TYW1B: variants seen among roughly 807,000 people sequenced by gnomAD.
The protein encoded by TYW1B is S-adenosyl-L-methionine-dependent tRNA 4-demethylwyosine synthase TYW1B.
TYW1B carries 73 observed loss-of-function variants against 86.9 expected under a neutral mutation model. That is an observed-to-expected ratio of 0.84 (90% CI 0.70 to 1.02). The LOEUF (loss-of-function observed/expected upper bound fraction) is 1.02, where lower values mean the gene tolerates loss of function less well. Among genes scored for constraint, TYW1B ranks in the 50% least tolerant of loss-of-function variants. The probability of loss-of-function intolerance (pLI) is 0.00; values close to 1 mark genes in which losing one functional copy is unlikely to be tolerated. For missense variants in TYW1B, 637 were observed against 827.4 expected (o/e 0.77, Z 2.82); for synonymous variants, 248 against 292.8 (o/e 0.85, Z 1.56).
chr7:72,669,290 G>A lies in TYW1B; in HGVS notation c.1506+25397C>T, dbSNP rs545650357. 1.1e-4 allele frequency among the ~76,000 whole-genome samples: 16 copies of A among 151,632 alleles called. No homozygotes were observed. In the South Asian group the frequency reaches 2.9e-3, roughly 28 times the overall value. ...CTCCCAAGTAGCTCAGATCACAGGCGCCTGCCACCACGCCCGGCTAATTTT... is the reference window on the plus strand; with the variant it reads ...CTCCCAAGTAGCTCAGATCACAGGCACCTGCCACCACGCCCGGCTAATTTT... On this transcript the variant is annotated intron_variant, in intron 11 of 13. Transcript: ENST00000620995.
chr7:72,758,061 T>C (rs1432068213), intron 7 of TYW1B, among the ~76,000 whole-genome samples: 1 of 151,948 alleles, frequency 6.6e-6, no homozygotes, highest in African/African-American at 2.4e-5. Flanking sequence ...CTACTAAAAA[T>C]ACAAAAAAAT....
chr7:72,637,406 C>T (rs577977737), intron 11 of TYW1B, among the ~76,000 whole-genome samples: 3 of 150,650 alleles, frequency 2.0e-5, no homozygotes, highest in South Asian at 4.2e-4. Flanking sequence ...CATCTAAATT[C>T]CCAAATTAAT....
chr7:72,633,436 GCT>G (rs1341997541), intron 11 of TYW1B, among the ~76,000 whole-genome samples: 6 of 152,174 alleles, frequency 3.9e-5, no homozygotes, highest in African/African-American at 1.4e-4. Flanking sequence ...ACCAGAATAG[GCT>G]CTCTCTCACT....
Position 72,782,199 on chromosome 7 carries a change from G to T in TYW1B, c.847-4666C>A, listed in dbSNP as rs183863796. The stretch of plus-strand genomic sequence containing the variant: ...AGCCACTTGGGAGGCTGAGGTGGCA[G>T]AATCACTTGAGCCCAGGAGTTCAAG... On this transcript the variant is annotated intron_variant, in intron 6 of 13. Coordinates refer to ENST00000620995, the MANE Select transcript of TYW1B (RefSeq NM_001145440.3). Among the ~76,000 whole-genome samples the T allele has an allele frequency of 2.8e-3, 432 of 152,188 alleles. 3 individuals carry two copies. Among genetic ancestry groups the T allele is most frequent in the Middle Eastern group, 6.8e-3 (2 of 294 alleles).
At chr7:72,808,975 T>C (rs1554477378) in intron 4 of TYW1B, among the ~76,000 whole-genome samples, 1 of 151,692 alleles carries the variant, frequency 6.6e-6, no homozygotes, top group Non-Finnish European at 1.5e-5. Flanking sequence ...TTTTTTCAAG[T>C]GTAGAGAACA....
intron 13 of TYW1B, among the ~76,000 whole-genome samples, chr7:72,580,358 C>G (rs782427607): frequency 2.0e-5 from 3 of 152,140 alleles, no homozygotes; most frequent in Admixed American, 6.6e-5. Context: ...AACCCCAAAT[C>G]GTAAAATCTG....
Position 72,579,275 on chromosome 7 carries a change from C to T in TYW1B, c.1786-3556G>A, listed in dbSNP as rs782375514. 9.2e-5 allele frequency among the ~76,000 whole-genome samples: 14 copies of T among 152,162 alleles called. 1 individual carries two copies. The highest frequency in any genetic ancestry group is 2.0e-4 in the Admixed American group (3 of 15,268). On this transcript the variant is annotated intron_variant, in intron 13 of 13. Transcript: ENST00000620995. ...GATCTGGTTTCTTTTGACTCTAAAACTCTGCTCTGCTTTAAAATGGAAGAA... is the reference window on the plus strand; with the variant it reads ...GATCTGGTTTCTTTTGACTCTAAAATTCTGCTCTGCTTTAAAATGGAAGAA...
intron 13 of TYW1B, among the ~76,000 whole-genome samples, chr7:72,590,490 T>C (rs1339989575): frequency 6.6e-6 from 1 of 152,224 alleles, no homozygotes; most frequent in East Asian, 1.9e-4. Context: ...TTCACTTTTC[T>C]CTTTCCCACC....
At chr7:72,668,357 T>C (rs1554445710) in intron 11 of TYW1B, among the ~76,000 whole-genome samples, 3 of 152,202 alleles carry the variant, frequency 2.0e-5, no homozygotes, top group Non-Finnish European at 4.4e-5. Flanking sequence ...TGTCAAATGA[T>C]TACTTGAATG....
intron 6 of TYW1B, among the ~76,000 whole-genome samples, chr7:72,779,927 T>C (rs1449813803): frequency 6.0e-5 from 9 of 150,404 alleles, no homozygotes; most frequent in African/African-American, 1.9e-4. Flanking sequence ...AATTACTAAA[T>C]ATAATCAAAA....
intron 11 of TYW1B, among the ~76,000 whole-genome samples, chr7:72,656,264 A>T (rs1310065234): frequency 6.6e-6 from 1 of 152,190 alleles, no homozygotes; most frequent in Non-Finnish European, 1.5e-5. Flanking sequence ...ACCCACCCAG[A>T]ACTACTACCC....
At chr7:72,750,841 C>A (rs1377029511) in intron 7 of TYW1B, among the ~76,000 whole-genome samples, 2 of 152,120 alleles carry the variant, frequency 1.3e-5, no homozygotes, top group Non-Finnish European at 2.9e-5. Flanking sequence ...ATCCAAAAAT[C>A]CGACATCCAA....
intron 6 of TYW1B, among the ~76,000 whole-genome samples, chr7:72,785,405 CTAATA>C (rs1311093817): frequency 2.1e-5 from 3 of 145,150 alleles, no homozygotes; most frequent in Non-Finnish European, 3.0e-5. Context: ...TTATATAATT[CTAATA>C]TAATTATATA....
At chr7:72,817,048 G>A (rs755871561) in intron 2 of TYW1B, among the ~76,000 whole-genome samples, 2 of 152,166 alleles carry the variant, frequency 1.3e-5, no homozygotes, top group Non-Finnish European at 2.9e-5. Context: ...GGTGTCTGAA[G>A]TGGGGGCAGT....
intron 2 of TYW1B, among the ~76,000 whole-genome samples, chr7:72,823,406 G>T (rs758081126): frequency 1.3e-4 from 20 of 151,976 alleles, no homozygotes; most frequent in Non-Finnish European, 2.1e-4. Flanking sequence ...CAGATCACGA[G>T]GTCAGGAGTT....
Position 72,810,492 on chromosome 7 carries a change from G to C in TYW1B, c.411C>G (p.Ala137=), listed in dbSNP as rs1289958815. 2 of 1,613,296 alleles carry C rather than the reference G, an allele frequency of 1.2e-6. No individual in the cohort carries two copies. The highest frequency in any genetic ancestry group is 1.7e-6 in the Non-Finnish European group (2 of 1,179,638). The stretch of plus-strand genomic sequence containing the variant: ...CTACCTTGTTGAAGTGGCTAGCATA[G>C]GCAGAATTTCCCAGGCCAAATACCG... ...RDAVFGLGNS[A]YASHFNKVGK... is the part of the protein sequence containing the mutation. Residue 137 remains alanine (A), a synonymous_variant, in exon 4 of 14, where the codon GCC becomes GCG. Transcript: ENST00000620995.
At chr7:72,691,147 T>C (rs1814148017) in intron 11 of TYW1B, among the ~76,000 whole-genome samples, 1 of 152,124 alleles carries the variant, frequency 6.6e-6, no homozygotes, top group Admixed American at 6.5e-5. Context: ...AAATCTTTCT[T>C]AATAGCATCT....
At chr7:72,776,262 A>C (rs1787952007) in intron 7 of TYW1B, among the ~76,000 whole-genome samples, 1 of 152,192 alleles carries the variant, frequency 6.6e-6, no homozygotes, top group South Asian at 2.1e-4. Context: ...AGATAACATC[A>C]CTCAAAGATA....
At chr7:72,701,267 TTTTA>T (rs1377133647) in intron 10 of TYW1B, among the ~76,000 whole-genome samples, 2 of 152,124 alleles carry the variant, frequency 1.3e-5, no homozygotes, top group African/African-American at 4.8e-5. Context: ...GACATTTTCT[TTTTA>T]TTTATTTTTT....
Sources: allele counts gnomAD v4.1 joint callset (sites outside exome capture counted in the v4.1 genomes callset), GRCh38; gene constraint gnomAD v4.1.1; transcripts MANE v1.5; gene names NCBI Gene and HGNC (gene_info 2026-07-23, HGNC 2026-07-21).